TMEM163: variants seen among roughly 807,000 people sequenced by gnomAD.
The protein encoded by TMEM163 is transmembrane protein 163.
TMEM163 carries 17 observed loss-of-function variants against 29.3 expected under a neutral mutation model. The observed-to-expected ratio is 0.58, with a 90% CI of 0.40 to 0.87. The LOEUF is 0.87. TMEM163 is among the 40% of genes least tolerant of loss of function. TMEM163 has a pLI of 0.00. For missense variants in TMEM163, 303 were observed against 381.5 expected (o/e 0.79, Z 1.71); for synonymous variants, 157 against 160.6 (o/e 0.98, Z 0.17).
At chr2:134,641,481 C>T (rs1202812748) in intron 2 of TMEM163, among the ~76,000 whole-genome samples, 1 of 152,056 alleles carries the variant, frequency 6.6e-6, no homozygotes, top group Non-Finnish European at 1.5e-5. Flanking sequence ...GAGAAATTAA[C>T]CTTTTAACTT....
At chr2:134,533,360 T>TAC (rs1553478074) in intron 4 of TMEM163, among the ~76,000 whole-genome samples, 7 of 152,360 alleles carry the variant, frequency 4.6e-5, no homozygotes, top group African/African-American at 1.4e-4. Context: ...TGTTTGTGTG[T>TAC]GTGCACGTGC....
At chr2:134,493,681 C>T (rs1237614503) in intron 5 of TMEM163, among the ~76,000 whole-genome samples, 1 of 152,078 alleles carries the variant, frequency 6.6e-6, no homozygotes, top group African/African-American at 2.4e-5. Context: ...CTTTTGGTGC[C>T]ATGTCTAAGA....
intron 5 of TMEM163, among the ~76,000 whole-genome samples, chr2:134,482,881 A>C (rs1574165640): frequency 6.6e-6 from 1 of 152,148 alleles, no homozygotes; most frequent in African/African-American, 2.4e-5. Flanking sequence ...AAGAGACATC[A>C]GGTTCGTCGG....
At chr2:134,553,689 G>C (rs902331286) in intron 2 of TMEM163, among the ~76,000 whole-genome samples, 3 of 152,212 alleles carry the variant, frequency 2.0e-5, no homozygotes, top group Admixed American at 1.3e-4. Flanking sequence ...GACATGAGCT[G>C]CTCCAGGAGT....
chr2:134,629,585 T>C (rs935498387), intron 2 of TMEM163, among the ~76,000 whole-genome samples: 1 of 152,196 alleles, frequency 6.6e-6, no homozygotes, highest in Non-Finnish European at 1.5e-5. Flanking sequence ...TTTAATTTAG[T>C]ATCTTCAATT....
Position 134,561,019 on chromosome 2 carries a change from T to C in TMEM163, c.323-8928A>G, listed in dbSNP as rs143803577. On this transcript the variant is annotated intron_variant, in intron 2 of 7. Coordinates refer to ENST00000281924, the MANE Select transcript of TMEM163 (RefSeq NM_030923.5). ...CCACAGCACACTTTCACTGTGCTGC[T>C]TCTTCAGTCTGGGAATAAGCAGGAG... is the stretch of plus-strand genomic sequence containing the variant. Among the ~76,000 whole-genome samples, 40 of 152,334 alleles carry C rather than the reference T, an allele frequency of 2.6e-4. 1 individual carries two copies. The highest frequency in any genetic ancestry group is 4.6e-4 in the Admixed American group (7 of 15,310).
chr2:134,480,974 C>T (rs559648142), intron 5 of TMEM163, among the ~76,000 whole-genome samples: 1 of 152,244 alleles, frequency 6.6e-6, no homozygotes, highest in African/African-American at 2.4e-5. Context: ...CCATGACCCC[C>T]GAAGTTCCTT....
chr2:134,714,499 C>T (rs1389765052), intron 1 of TMEM163, among the ~76,000 whole-genome samples: 2 of 152,204 alleles, frequency 1.3e-5, no homozygotes, highest in Non-Finnish European at 2.9e-5. Flanking sequence ...CCAAAAACCA[C>T]ATCCTGATCA....
intron 2 of TMEM163, among the ~76,000 whole-genome samples, chr2:134,560,323 T>G (rs1417013521): frequency 6.6e-6 from 1 of 152,232 alleles, no homozygotes; most frequent in East Asian, 1.9e-4. Flanking sequence ...CTTTGAATGT[T>G]TGTTCCCTGA....
At chr2:134,576,262 G>C (rs1008498737) in intron 2 of TMEM163, among the ~76,000 whole-genome samples, 13 of 152,150 alleles carry the variant, frequency 8.5e-5, no homozygotes, top group African/African-American at 2.9e-4. Context: ...ACTGTGACTT[G>C]CCTGTGAAAT....
At chr2:134,625,439 T>C (rs1682827280) in intron 2 of TMEM163, among the ~76,000 whole-genome samples, 1 of 152,166 alleles carries the variant, frequency 6.6e-6, no homozygotes, top group South Asian at 2.1e-4. Flanking sequence ...CACACACATA[T>C]GTATTGCTTT....
chr2:134,667,048 C>T (rs984731154), intron 2 of TMEM163, among the ~76,000 whole-genome samples: 1 of 152,210 alleles, frequency 6.6e-6, no homozygotes, highest in Non-Finnish European at 1.5e-5. Flanking sequence ...ATGATTACCC[C>T]TTGTGCATCC....
intron 4 of TMEM163, among the ~76,000 whole-genome samples, chr2:134,517,267 C>G (rs1052992278): frequency 6.6e-6 from 1 of 152,126 alleles, no homozygotes; most frequent in African/African-American, 2.4e-5. Context: ...AGAGAACTCT[C>G]GTGGACTTCT....
intron 4 of TMEM163, among the ~76,000 whole-genome samples, chr2:134,536,973 T>A (rs1369785210): frequency 2.6e-5 from 4 of 151,784 alleles, no homozygotes; most frequent in Non-Finnish European, 5.9e-5. Flanking sequence ...AGGAAGGGGG[T>A]TGGTCTGCTA....
chr2:134,561,507 C>G (rs1423629814), intron 2 of TMEM163, among the ~76,000 whole-genome samples: 1 of 151,944 alleles, frequency 6.6e-6, no homozygotes, highest in Non-Finnish European at 1.5e-5. Flanking sequence ...CCACCACGCC[C>G]GGCTAATTTT....
intron 2 of TMEM163, among the ~76,000 whole-genome samples, chr2:134,563,439 A>G (rs1230982272): frequency 2.6e-5 from 4 of 152,358 alleles, no homozygotes; most frequent in East Asian, 3.9e-4. Flanking sequence ...GCCACCACAC[A>G]TTAAGTGAAT....
At chr2:134,646,083 C>G (rs532232288) in intron 2 of TMEM163, among the ~76,000 whole-genome samples, 1 of 150,190 alleles carries the variant, frequency 6.7e-6, no homozygotes, top group African/African-American at 2.4e-5. Flanking sequence ...GTGTAACTTG[C>G]GGAATGGCTT....
At chr2:134,600,525 A>G (rs1337079500) in intron 2 of TMEM163, among the ~76,000 whole-genome samples, 2 of 152,140 alleles carry the variant, frequency 1.3e-5, no homozygotes, top group Non-Finnish European at 2.9e-5. Context: ...TCCCTTTAAG[A>G]CTTGGTTTAT....
intron 5 of TMEM163, among the ~76,000 whole-genome samples, chr2:134,499,664 G>C (rs17731152): frequency 0.13 from 20,233 of 152,236 alleles, 1,688 homozygotes; most frequent in Middle Eastern, 0.3. Flanking sequence ...TCTGAGAACC[G>C]TGCAGCGAAA....
Sources: allele counts gnomAD v4.1 joint callset (sites outside exome capture counted in the v4.1 genomes callset), GRCh38; gene constraint gnomAD v4.1.1; transcripts MANE v1.5; gene names NCBI Gene and HGNC (gene_info 2026-07-23, HGNC 2026-07-21).